The following CLASP1 variants were observed in gnomAD, a reference collection of about 807,000 sequenced individuals.
The protein encoded by CLASP1 is CLIP-associating protein 1.
CLASP1 carries 38 observed loss-of-function variants against 192.3 expected under a neutral mutation model. The observed-to-expected ratio is 0.20, with a 90% CI of 0.15 to 0.26. The LOEUF (loss-of-function observed/expected upper bound fraction) is 0.26. CLASP1 is among the 10% of genes least tolerant of loss of function. The pLI is 1.00. For missense variants in CLASP1, 1,433 were observed against 1,932.5 expected, an observed-to-expected ratio of 0.74 and a Z score of 4.85; for synonymous variants, 691 against 712.8, an observed-to-expected ratio of 0.97 and a Z score of 0.49.
chr2:121,418,080 T>A (rs1237096993), intron 23 of CLASP1, among the ~76,000 whole-genome samples: 1 of 152,244 alleles, frequency 6.6e-6, no homozygotes, highest in Non-Finnish European at 1.5e-5. Context: ...CTTTTGGGGA[T>A]CGACAGTTTA....
chr2:121,441,836 C>T (rs572786519), intron 19 of CLASP1, among the ~76,000 whole-genome samples: 1 of 152,214 alleles, frequency 6.6e-6, no homozygotes, highest in Admixed American at 6.5e-5. Context: ...ACTTTTTCCA[C>T]TGTGTAAAAA....
intron 5 of CLASP1, 21 bp downstream of exon 5, chr2:121,527,778 T>G: frequency 6.4e-7 from 1 of 1,556,342 alleles, no homozygotes; most frequent in Non-Finnish European, 8.8e-7. Context: ...CGTAAAAATG[T>G]CAGGCTCATC....
At chr2:121,625,218 G>T (rs532162081) in intron 1 of CLASP1, among the ~76,000 whole-genome samples, 84 of 152,200 alleles carry the variant, frequency 5.5e-4, no homozygotes, top group South Asian at 3.7e-3. Context: ...AAAAAAAATT[G>T]TCAATTATTT....
intron 39 of CLASP1, among the ~76,000 whole-genome samples, chr2:121,346,136 C>A (rs377626882): frequency 6.6e-6 from 1 of 152,216 alleles, no homozygotes; most frequent in African/African-American, 2.4e-5. Flanking sequence ...TAAGAGCAGG[C>A]GCTTCTGGTT....
rs533526403 is a variant in CLASP1 at position 121,524,727 on chromosome 2, G to C, written c.546+1118C>G. 1.4e-4 allele frequency among the ~76,000 whole-genome samples: 21 copies of C among 152,256 alleles called. No homozygotes were observed. The East Asian group carries it at 1.5e-3, about 11-fold the overall frequency. On this transcript the variant is annotated intron_variant, in intron 6 of 39. Coordinates refer to ENST00000263710, the Ensembl canonical transcript of CLASP1. Reference sequence around the variant, plus strand: ...CCACCTTGGCCTCCTAAAGTGCTGGGATTACTGGCATGAGCCACCACGTGC... The same window carrying C: ...CCACCTTGGCCTCCTAAAGTGCTGGCATTACTGGCATGAGCCACCACGTGC...
chr2:121,468,771 C>T (rs913762565), intron 9 of CLASP1, among the ~76,000 whole-genome samples: 1 of 151,858 alleles, frequency 6.6e-6, no homozygotes, highest in Non-Finnish European at 1.5e-5. Context: ...CTAACCCTAA[C>T]CCCAATCCTA....
At chr2:121,506,690 A>C (rs2093958786) in intron 7 of CLASP1, among the ~76,000 whole-genome samples, 1 of 152,136 alleles carries the variant, frequency 6.6e-6, no homozygotes, top group South Asian at 2.1e-4. Context: ...AGGAAGTAAA[A>C]AGGAAGACAG....
chr2:121,374,506 T>A (rs2069530896), intron 34 of CLASP1, among the ~76,000 whole-genome samples: 1 of 152,154 alleles, frequency 6.6e-6, no homozygotes, highest in Non-Finnish European at 1.5e-5. Flanking sequence ...GTTCTCCAGA[T>A]CCCAGAACGG....
intron 39 of CLASP1, among the ~76,000 whole-genome samples, chr2:121,343,284 C>A (rs1317670402): frequency 6.6e-6 from 1 of 152,172 alleles, no homozygotes; most frequent in East Asian, 1.9e-4. Context: ...CCCTTGTGCA[C>A]TGTTGGTCAG....
chr2:121,564,071 CA>C (rs1261343709), intron 2 of CLASP1, among the ~76,000 whole-genome samples: 1 of 152,190 alleles, frequency 6.6e-6, no homozygotes, highest in Non-Finnish European at 1.5e-5. Context: ...GACCTGTCCC[CA>C]TGATTCAATC....
chr2:121,529,477 C>T (rs1209768987), intron 3 of CLASP1, among the ~76,000 whole-genome samples: 2 of 152,130 alleles, frequency 1.3e-5, no homozygotes, highest in African/African-American at 2.4e-5. Flanking sequence ...ATGACCTTTT[C>T]AGAAGGAGCA....
At chr2:121,404,375 C>T (rs971962806) in exon 26 of CLASP1, 3 of 1,612,006 alleles carry the variant, frequency 1.9e-6, no homozygotes, top group Non-Finnish European at 2.5e-6. Context: ...ACTTACCTTG[C>T]TATGAGGGTC....
At chr2:121,559,876 AATTATCATCATCATC>A (rs1200748816) in intron 2 of CLASP1, among the ~76,000 whole-genome samples, 1 of 151,830 alleles carries the variant, frequency 6.6e-6, no homozygotes, top group Non-Finnish European at 1.5e-5. Flanking sequence ...GTACCTTAAT[AATTATCATCATCATC>A]ATTATCATCA....
chr2:121,341,231 C>A (rs1442527019), intron 39 of CLASP1, among the ~76,000 whole-genome samples: 2 of 152,172 alleles, frequency 1.3e-5, no homozygotes, highest in African/African-American at 4.8e-5. Context: ...TGGGCCGCAG[C>A]AGCTCATGGA....
intron 1 of CLASP1, among the ~76,000 whole-genome samples, chr2:121,611,645 A>T (rs1403937547): frequency 6.3e-5 from 9 of 142,324 alleles, no homozygotes; most frequent in Admixed American, 1.4e-4. Flanking sequence ...GAAGAGGAGG[A>T]GTTGGAGGAG....
At chr2:121,553,240 T>C (rs1217467316) in intron 2 of CLASP1, among the ~76,000 whole-genome samples, 2 of 152,068 alleles carry the variant, frequency 1.3e-5, no homozygotes, top group East Asian at 3.8e-4. Context: ...AACTTTTGGG[T>C]ACTGGGCTTA....
At chr2:121,418,728 T>C in exon 23 of CLASP1, 1 of 1,609,410 alleles carries the variant, frequency 6.2e-7, no homozygotes, top group Non-Finnish European at 8.5e-7. Context: ...GGCTGCTCCG[T>C]GCTAGCGTGC....
At chr2:121,455,393 A>G (rs2086416312) in intron 14 of CLASP1, among the ~76,000 whole-genome samples, 1 of 152,214 alleles carries the variant, frequency 6.6e-6, no homozygotes, top group South Asian at 2.1e-4. Context: ...AAGATAGGGA[A>G]TCAACCTAAG....
chr2:121,547,645 G>A (rs971963560), intron 2 of CLASP1, among the ~76,000 whole-genome samples: 2 of 152,066 alleles, frequency 1.3e-5, no homozygotes, highest in African/African-American at 2.4e-5. Flanking sequence ...GCCAAGCTGC[G>A]ATCTATAGCC....
Sources: gnomAD v4.1 joint callset for allele counts (sites outside exome capture counted in the v4.1 genomes callset) on GRCh38, gnomAD v4.1.1 for gene constraint, MANE v1.5 for transcripts, NCBI Gene and HGNC (gene_info 2026-07-23, HGNC 2026-07-21) for gene names.